The following GPR158 variants were observed in gnomAD, a reference collection of about 807,000 sequenced individuals.
GPR158 encodes the protein metabotropic glycine receptor.
A neutral mutation model predicts 78.2 loss-of-function variants in GPR158; 30 were observed. The observed-to-expected ratio is 0.38, with a 90% CI of 0.29 to 0.52. GPR158 has a LOEUF of 0.52. Among genes scored for constraint, GPR158 ranks in the 20% least tolerant of loss-of-function variants. The pLI, the probability that GPR158 is intolerant of heterozygous loss-of-function variation, is 0.83. For missense variants in GPR158, 1,463 were observed against 1,523.5 expected (o/e 0.96, Z 0.66); for synonymous variants, 581 against 591.1 (o/e 0.98, Z 0.25).
intron 2 of GPR158, among the ~76,000 whole-genome samples, chr10:25,241,150 TTTCTTTCTTTCTTTCTTTCTTTC>T (rs1160848884): frequency 8.4e-6 from 1 of 118,414 alleles, no homozygotes; most frequent in Non-Finnish European, 1.7e-5. Context: ...TCTTTCTTTC[TTTCTTTCTTTCTTTCTTTCTTTC>T]TTTCTTTCTT....
At chr10:25,346,560 T>C (rs1229796658) in intron 2 of GPR158, among the ~76,000 whole-genome samples, 17 of 151,978 alleles carry the variant, frequency 1.1e-4, no homozygotes, top group Non-Finnish European at 1.3e-4. Context: ...GTGCATATGT[T>C]CCTTATAGAT....
At chr10:25,285,059 C>A (rs552611687) in intron 2 of GPR158, among the ~76,000 whole-genome samples, 1 of 108,476 alleles carries the variant, frequency 9.2e-6, no homozygotes, top group South Asian at 3.0e-4. Context: ...ATTTCCAGTT[C>A]TATTCATTGT....
intron 6 of GPR158, among the ~76,000 whole-genome samples, chr10:25,568,297 T>C (rs1456975518): frequency 6.6e-6 from 1 of 152,198 alleles, no homozygotes; most frequent in Non-Finnish European, 1.5e-5. Flanking sequence ...GGGTGCAATA[T>C]GTAGTGATAA....
At chr10:25,516,641 T>C (rs1175418351) in intron 5 of GPR158, among the ~76,000 whole-genome samples, 1 of 119,746 alleles carries the variant, frequency 8.4e-6, no homozygotes, top group Non-Finnish European at 1.7e-5. Context: ...CTTTCCCCAT[T>C]GCTTGTTTTT....
intron 5 of GPR158, among the ~76,000 whole-genome samples, chr10:25,530,879 T>C (rs1836414624): frequency 2.0e-5 from 3 of 152,208 alleles, no homozygotes; most frequent in Admixed American, 1.3e-4. Context: ...ATGGCCTCAC[T>C]GGGATCTCTC....
In GPR158 at chr10:25,586,479, C is replaced by A. The variant is rs1237523633; in HGVS notation, c.1754-2528C>A. 2.7e-5 allele frequency among the ~76,000 whole-genome samples: 4 copies of A among 146,266 alleles called. No homozygotes were observed. In the East Asian group the frequency reaches 8.1e-4, roughly 30 times the overall value. The stretch of plus-strand genomic sequence containing the variant: ...AGTGCAGTGGCATGACCTCAGCTCA[C>A]TGAGGCCTCCACCTCCTGTTTCAAG... On this transcript the variant is annotated intron_variant, in intron 7 of 10. Coordinates refer to ENST00000376351, the MANE Select transcript of GPR158 (RefSeq NM_020752.3).
intron 6 of GPR158, among the ~76,000 whole-genome samples, chr10:25,556,608 A>G (rs1179973740): frequency 6.6e-6 from 1 of 152,170 alleles, no homozygotes; most frequent in East Asian, 1.9e-4. Flanking sequence ...CACGGGATTC[A>G]CCAGAAAAAC....
chr10:25,229,554 T>C (rs1488560628), intron 2 of GPR158, among the ~76,000 whole-genome samples: 8 of 152,284 alleles, frequency 5.3e-5, no homozygotes, highest in African/African-American at 1.4e-4. Context: ...ATTTTACTGA[T>C]GAGAAAGCTA....
At chr10:25,356,697 C>T (rs570197253) in intron 2 of GPR158, among the ~76,000 whole-genome samples, 17 of 152,168 alleles carry the variant, frequency 1.1e-4, no homozygotes, top group South Asian at 4.1e-4. Context: ...GTGAGGCCTC[C>T]GCAGCCATGT....
intron 2 of GPR158, among the ~76,000 whole-genome samples, chr10:25,386,694 T>G (rs553935144): frequency 1.3e-5 from 2 of 152,290 alleles, no homozygotes; most frequent in East Asian, 3.9e-4. Flanking sequence ...ATTTTATTCT[T>G]TTTGATATTT....
At chr10:25,494,355 TTTA>T (rs760346838) in intron 5 of GPR158, among the ~76,000 whole-genome samples, 197 of 152,310 alleles carry the variant, frequency 1.3e-3, no homozygotes, top group Non-Finnish European at 1.3e-3. Flanking sequence ...ATCATAAAAT[TTTA>T]TTATGTTTTA....
intron 3 of GPR158, among the ~76,000 whole-genome samples, chr10:25,411,050 T>G (rs750321137): frequency 5.3e-5 from 8 of 152,198 alleles, no homozygotes; most frequent in Non-Finnish European, 8.8e-5. Flanking sequence ...TCATATTCAT[T>G]AATGTCTTTT....
chr10:25,416,657 T>C (rs1834664823), intron 4 of GPR158, among the ~76,000 whole-genome samples: 2 of 152,184 alleles, frequency 1.3e-5, no homozygotes, highest in South Asian at 4.1e-4. Context: ...AGTTTGTTAC[T>C]ATAATACTTT....
intron 5 of GPR158, among the ~76,000 whole-genome samples, chr10:25,477,949 A>G (rs183166317): frequency 9.2e-5 from 14 of 152,292 alleles, no homozygotes; most frequent in Non-Finnish European, 1.9e-4. Flanking sequence ...AATAAAAGAA[A>G]TAGCCATAGA....
chr10:25,471,815 T>A (rs2130624279), intron 5 of GPR158, among the ~76,000 whole-genome samples: 1 of 152,330 alleles, frequency 6.6e-6, no homozygotes, highest in East Asian at 1.9e-4. Context: ...GGTTGTTTGT[T>A]TTTTTCTTGT....
At chr10:25,241,240 CCTTTCTTTCCTTTCTTTCCTTT>C (rs1303014371) in intron 2 of GPR158, among the ~76,000 whole-genome samples, 2 of 121,276 alleles carry the variant, frequency 1.6e-5, no homozygotes, top group African/African-American at 6.5e-5. Flanking sequence ...TCCTTTCTTT[CCTTTCTTTCCTTTCTTTCCTTT>C]CTTTCTTTCC....
At position 25,602,048 on chromosome 10, in the gene GPR158, G is replaced by A. The variant is rs796341648; in HGVS notation, c.*2774G>A. On this transcript the variant is annotated 3_prime_UTR_variant, in exon 11 of 11. Coordinates refer to ENST00000376351, the MANE Select transcript of GPR158 (RefSeq NM_020752.3). ...ACTGCCTTTTGACTTCTAGCATTTA[G>A]CAACCGAGAGTCGTAGAGTCAATAA... The A allele has an allele frequency of 1.8e-4, 27 of 152,456 alleles. No homozygotes were observed. The highest frequency in any genetic ancestry group is 6.3e-4 in the African/African-American group (26 of 41,538). The allele number at this position is 152,456 out of a possible 1,614,324, so 9.4% of individuals were successfully genotyped here.
At chr10:25,570,834 C>T (rs1436659787) in intron 6 of GPR158, among the ~76,000 whole-genome samples, 5 of 152,034 alleles carry the variant, frequency 3.3e-5, no homozygotes, top group Admixed American at 1.3e-4. Context: ...GGAGAATAAT[C>T]GCTTGAACCC....
At chr10:25,385,348 T>C (rs1046091125) in intron 2 of GPR158, among the ~76,000 whole-genome samples, 4 of 134,796 alleles carry the variant, frequency 3.0e-5, no homozygotes, top group African/African-American at 1.1e-4. Context: ...TATATCACAG[T>C]TTGTTTATCC....
Sources: gnomAD v4.1 joint callset for allele counts (sites outside exome capture counted in the v4.1 genomes callset) on GRCh38, gnomAD v4.1.1 for gene constraint, MANE v1.5 for transcripts, NCBI Gene and HGNC (gene_info 2026-07-23, HGNC 2026-07-21) for gene names.